The following NRG3 variants were observed in gnomAD, a reference collection of about 807,000 sequenced individuals.
NRG3 encodes pro-neuregulin-3, membrane-bound isoform.
Under a neutral mutation model 66.9 loss-of-function variants are expected in NRG3, and 31 were observed. The ratio of observed to expected loss-of-function variants is 0.46; its 90% confidence interval spans 0.35 to 0.63. The LOEUF is 0.63. Ranked by LOEUF, NRG3 falls within the 20% of genes least tolerant of loss-of-function variation. The pLI, the probability that NRG3 is intolerant of heterozygous loss-of-function variation, is 0.00. For synonymous variants in NRG3, 393 were observed against 359.4 expected (o/e 1.09, Z -1.06); for missense variants, 910 against 878.9 (o/e 1.04, Z -0.45).
At chr10:82,011,886 G>T (rs569518403) in intron 1 of NRG3, among the ~76,000 whole-genome samples, 10 of 152,242 alleles carry the variant, frequency 6.6e-5, no homozygotes, top group African/African-American at 2.4e-4. Flanking sequence ...TCAGAGGCTG[G>T]TGTTGAGTGT....
chr10:82,589,335 T>C lies in NRG3; in HGVS notation c.954-149242T>C, dbSNP rs532199844. On this transcript the variant is annotated intron_variant, in intron 2 of 8. Transcript: ENST00000372141. ...AATACCAACCCAAACCCTGAAGAAA[T>C]GTCACTAATTAATTGAAGGTGTATC... 2.6e-5 allele frequency among the ~76,000 whole-genome samples: 4 copies of C among 152,206 alleles called. No individual in the cohort carries two copies. The South Asian group carries it at 8.3e-4, about 32-fold the overall frequency.
At chr10:82,024,846 C>G (rs1328996727) in intron 1 of NRG3, among the ~76,000 whole-genome samples, 1 of 152,080 alleles carries the variant, frequency 6.6e-6, no homozygotes, top group African/African-American at 2.4e-5. Context: ...CTCCCAGTAT[C>G]TTCTCAAAGC....
At chr10:82,916,137 G>T (rs529142927) in intron 4 of NRG3, among the ~76,000 whole-genome samples, 5 of 152,098 alleles carry the variant, frequency 3.3e-5, no homozygotes, top group Admixed American at 6.6e-5. Context: ...TGTTGTTCTT[G>T]TCATTGTTTT....
intron 4 of NRG3, among the ~76,000 whole-genome samples, chr10:82,900,423 C>T (rs560527542): frequency 3.9e-4 from 59 of 152,138 alleles, no homozygotes; most frequent in African/African-American, 1.3e-3. Flanking sequence ...TTTAGTATGA[C>T]ATTACTGTAA....
intron 4 of NRG3, 89 bp downstream of exon 4, chr10:82,865,526 T>C: frequency 1.5e-6 from 2 of 1,327,392 alleles, no homozygotes; most frequent in Non-Finnish European, 2.1e-6. Flanking sequence ...CTGGTTATAA[T>C]TGAAATGTCT....
At chr10:81,952,590 G>C (rs185096763) in intron 1 of NRG3, among the ~76,000 whole-genome samples, 1 of 151,812 alleles carries the variant, frequency 6.6e-6, no homozygotes, top group Non-Finnish European at 1.5e-5. Context: ...TGGCACCCCA[G>C]TTAGTTCATT....
intron 1 of NRG3, 74 bp downstream of exon 1, chr10:81,876,237 C>T: frequency 6.7e-7 from 1 of 1,489,848 alleles, no homozygotes; most frequent in South Asian, 1.3e-5. Flanking sequence ...CTTTTTCCCT[C>T]GCCGCCTGTT....
intron 2 of NRG3, among the ~76,000 whole-genome samples, chr10:82,407,520 T>C (rs1322571227): frequency 6.6e-6 from 1 of 152,148 alleles, no homozygotes; most frequent in Non-Finnish European, 1.5e-5. Flanking sequence ...AATGGGAAAA[T>C]GACTTTGTCC....
At chr10:82,117,315 T>G (rs1164207186) in intron 1 of NRG3, among the ~76,000 whole-genome samples, 3 of 152,134 alleles carry the variant, frequency 2.0e-5, no homozygotes, top group Non-Finnish European at 4.4e-5. Flanking sequence ...TCAATCCAAC[T>G]CATCTTTCCT....
chr10:82,641,009 C>G (rs1206547498), intron 2 of NRG3, among the ~76,000 whole-genome samples: 1 of 18,136 alleles, frequency 5.5e-5, no homozygotes, highest in East Asian at 1.3e-3. Context: ...TTCAGTCTGT[C>G]GTTTTTTTTT....
chr10:82,214,791 TG>T (rs771174163), intron 1 of NRG3, among the ~76,000 whole-genome samples: 2 of 152,230 alleles, frequency 1.3e-5, no homozygotes, highest in Admixed American at 6.5e-5. Context: ...TTTGTAGGTT[TG>T]TATTTGTTTT....
At chr10:82,662,199 A>G (rs2052417962) in intron 2 of NRG3, among the ~76,000 whole-genome samples, 1 of 152,076 alleles carries the variant, frequency 6.6e-6, no homozygotes, top group Admixed American at 6.6e-5. Flanking sequence ...TTGTGTTTTT[A>G]AAGTGACTTT....
chr10:82,609,300 A>G (rs1445196757), intron 2 of NRG3, among the ~76,000 whole-genome samples: 1 of 152,196 alleles, frequency 6.6e-6, no homozygotes, highest in African/African-American at 2.4e-5. Context: ...AATTGAGTAA[A>G]GAGCCATTCA....
At chr10:82,831,292 A>G (rs2062507657) in intron 3 of NRG3, among the ~76,000 whole-genome samples, 1 of 152,190 alleles carries the variant, frequency 6.6e-6, no homozygotes, top group South Asian at 2.1e-4. Flanking sequence ...AGTCTACTTA[A>G]CTGATAGGAG....
At position 82,430,039 on chromosome 10, in the gene NRG3, CT is replaced by C. The variant is rs376824190; in HGVS notation, c.953+71174del. On this transcript the variant is annotated intron_variant, in intron 2 of 8. Coordinates refer to ENST00000372141, the MANE Select transcript of NRG3 (RefSeq NM_001010848.4). ...TAGTACTTTTTTATAGTTGCTAATC[CT>C]TTATTAATAATCTCAGTTTGGAGAA... Among the ~76,000 whole-genome samples, 10 of 152,140 alleles carry C rather than the reference CT, an allele frequency of 6.6e-5. 1 individual carries two copies. Among genetic ancestry groups the C allele is most frequent in the African/African-American group, 2.4e-4 (10 of 41,530 alleles).
intron 1 of NRG3, among the ~76,000 whole-genome samples, chr10:82,333,524 T>A (rs2082243267): frequency 6.6e-6 from 1 of 152,228 alleles, no homozygotes. Context: ...CAAAACTCTG[T>A]ATTCATCATT....
chr10:82,775,590 A>T (rs1381259017), intron 3 of NRG3, among the ~76,000 whole-genome samples: 5 of 152,066 alleles, frequency 3.3e-5, no homozygotes, highest in Non-Finnish European at 7.4e-5. Context: ...CTGTTGTTGT[A>T]TGGAAACTTT....
At chr10:81,884,667 G>T (rs1330459491) in intron 1 of NRG3, among the ~76,000 whole-genome samples, 1 of 152,082 alleles carries the variant, frequency 6.6e-6, no homozygotes, top group East Asian at 1.9e-4. Context: ...GCTATCCTTA[G>T]GTTATATGCA....
intron 3 of NRG3, among the ~76,000 whole-genome samples, chr10:82,840,274 G>A (rs545243225): frequency 6.6e-6 from 1 of 152,202 alleles, no homozygotes; most frequent in Admixed American, 6.5e-5. Context: ...TCATGTTCCT[G>A]TCTTCTCCGC....
Sources: gnomAD v4.1 joint callset for allele counts (sites outside exome capture counted in the v4.1 genomes callset) on GRCh38, gnomAD v4.1.1 for gene constraint, MANE v1.5 for transcripts, NCBI Gene and HGNC (gene_info 2026-07-23, HGNC 2026-07-21) for gene names.